The following EDEM3 variants were observed in gnomAD, a reference collection of about 807,000 sequenced individuals.
The protein encoded by EDEM3 is ER degradation-enhancing alpha-mannosidase-like protein 3.
In EDEM3, 60 loss-of-function variants were observed where a neutral mutation model predicts 110.2. The ratio of observed to expected loss-of-function variants is 0.54; its 90% CI spans 0.44 to 0.67. The LOEUF (loss-of-function observed/expected upper bound fraction) is 0.67, where lower values mean the gene tolerates loss of function less well. Among genes scored for constraint, EDEM3 ranks in the 30% least tolerant of loss-of-function variants. The probability of loss-of-function intolerance (pLI) is 0.00; values close to 1 mark genes in which losing one functional copy is unlikely to be tolerated. For synonymous variants in EDEM3, 352 were observed against 382.9 expected (o/e 0.92, Z 0.94); for missense variants, 996 against 1,121.0 (o/e 0.89, Z 1.59).
intron 19 of EDEM3, among the ~76,000 whole-genome samples, chr1:184,698,920 T>C (rs1649466898): frequency 1.3e-5 from 2 of 151,826 alleles, no homozygotes; most frequent in South Asian, 4.1e-4. Flanking sequence ...AAATGGCAGT[T>C]AGAGAACTAC....
At chr1:184,698,108 A>G (rs1313229975) in intron 19 of EDEM3, among the ~76,000 whole-genome samples, 1 of 151,808 alleles carries the variant, frequency 6.6e-6, no homozygotes, top group Admixed American at 6.6e-5. Context: ...AAAACAAAAA[A>G]TATACCTATA....
At chr1:184,703,589 A>C (rs930447719) in intron 18 of EDEM3, among the ~76,000 whole-genome samples, 7 of 152,230 alleles carry the variant, frequency 4.6e-5, no homozygotes, top group Admixed American at 1.3e-4. Flanking sequence ...AAATAATAGT[A>C]GTAGAACTAT....
chr1:184,716,461 A>G (rs1650551900), intron 13 of EDEM3, among the ~76,000 whole-genome samples: 1 of 152,176 alleles, frequency 6.6e-6, no homozygotes, highest in Non-Finnish European at 1.5e-5. Flanking sequence ...CCTGCAAGTC[A>G]GCAACGGTGT....
At chr1:184,710,019 C>A (rs1431883671) in intron 16 of EDEM3, among the ~76,000 whole-genome samples, 1 of 151,990 alleles carries the variant, frequency 6.6e-6, no homozygotes, top group Non-Finnish European at 1.5e-5. Flanking sequence ...TCTTTGGAGA[C>A]TAAAATGATG....
At chr1:184,754,282 C>T (rs1652960774) in intron 1 of EDEM3, among the ~76,000 whole-genome samples, 1 of 152,188 alleles carries the variant, frequency 6.6e-6, no homozygotes, top group African/African-American at 2.4e-5. Context: ...GCGGCCAGGG[C>T]GACACCCCGT....
rs767632319 is a variant in EDEM3 at position 184,734,557 on chromosome 1, G to A, written c.432C>T (p.Val144=). The A allele has an allele frequency of 6.6e-7, 1 of 1,518,870 alleles. No homozygotes were observed. Among genetic ancestry groups the A allele is most frequent in the South Asian group, 1.3e-5 (1 of 74,494 alleles). The allele number at this position is 1,518,870 out of a possible 1,614,324, so 94.1% of individuals were successfully genotyped here. Residue 144 remains valine, a synonymous_variant, in exon 5 of 20, where the codon GTC becomes GTT. Transcript: ENST00000318130. The stretch of plus-strand genomic sequence containing the variant: ...CAAGAACTCTGATGTTTGTTTCAAA[G>A]ACTGATACGACTACATCGTTATCTA... ...VNLDNDVVVS[V]FETNIRVLGG...
intron 8 of EDEM3, among the ~76,000 whole-genome samples, 195 bp downstream of exon 8, chr1:184,723,556 C>T (rs905525760): frequency 1.4e-4 from 22 of 151,898 alleles, no homozygotes; most frequent in African/African-American, 4.8e-4. Flanking sequence ...AAATAGAATA[C>T]TAAATCATGT....
At chr1:184,749,732 TAAACAG>T (rs1652647641) in intron 1 of EDEM3, 140 bp from the exon 2 acceptor site, 1 of 663,888 alleles carries the variant, frequency 1.5e-6, no homozygotes, top group South Asian at 2.4e-5. Flanking sequence ...GAAAGGGACA[TAAACAG>T]AATCAGAAAC....
At position 184,711,800 on chromosome 1, in the gene EDEM3, G is replaced by T; in HGVS notation, c.1614C>A (p.Asp538Glu). The stretch of plus-strand genomic sequence containing the variant: ...CACGAATACTTTGAGCATACAATGG[G>T]TCATTAGGAAAGAGGATCTGAGTAT... Reference protein sequence around the residue: ...CPNTQILFPNDPLYAQSIREP... With the variant: ...CPNTQILFPNEPLYAQSIREP... The change falls in exon 15 of 20, where the codon GAC becomes GAA. Residue 538 changes from aspartate (D) to glutamate (E), a missense_variant. By Grantham distance (45) the Asp-to-Glu change is conservative. Coordinates refer to ENST00000318130, the MANE Select transcript of EDEM3 (RefSeq NM_025191.4). 1.2e-6 allele frequency: 2 copies of T among 1,613,514 alleles called. No homozygotes were observed. Among genetic ancestry groups the T allele is most frequent in the Non-Finnish European group, 1.7e-6 (2 of 1,179,608 alleles).
Position 184,734,636 on chromosome 1 carries a change from T to C in EDEM3, c.353A>G (p.Asn118Ser). The C allele has an allele frequency of 7.2e-7, 1 of 1,391,036 alleles. No individual in the cohort carries two copies. Among genetic ancestry groups the C allele is most frequent in the Non-Finnish European group, 9.9e-7 (1 of 1,010,656 alleles). 86.2% of individuals were successfully genotyped at this position (1,391,036 alleles called of 1,614,324 possible). A position where few individuals can be genotyped will look rare whatever the true frequency, so the allele number is the denominator to read the frequency against. The change falls in exon 5 of 20, where the codon AAT (asparagine) becomes AGT (serine). Residue 118 changes from asparagine to serine, a missense_variant. Asn to Ser is a conservative substitution (Grantham distance 46). Coordinates refer to ENST00000318130, the MANE Select transcript of EDEM3 (RefSeq NM_025191.4). The part of the protein sequence containing the change: ...IDSLDTLVVL[N>S]KTKEFEDAVR... ...TGCATCTTCAAATTCTTTAGTTTTA[T>C]TTAAAACCTGGGAGAAGAAAATTAT...
At chr1:184,744,572 T>C (rs1652327198) in intron 2 of EDEM3, among the ~76,000 whole-genome samples, 2 of 151,826 alleles carry the variant, frequency 1.3e-5, no homozygotes, top group African/African-American at 4.8e-5. Context: ...GTGGGAAATA[T>C]ATGAAAATGT....
chr1:184,748,194 C>A lies in EDEM3; in HGVS notation c.204+1353G>T, dbSNP rs141971525. On this transcript the variant is annotated intron_variant, in intron 2 of 19. Transcript: ENST00000318130. ...GGGTGTAATGGCTCACACCTGTAAT[C>A]CCAACACTTTGGGAGGCAGAGGTGG... 6.7e-3 allele frequency among the ~76,000 whole-genome samples: 1,026 copies of A among 152,254 alleles called. 17 individuals are homozygous for A. The highest frequency in any genetic ancestry group is 0.024 in the African/African-American group (993 of 41,542).
At position 184,690,871 on chromosome 1, in the gene EDEM3, AC is replaced by A. The variant is rs1395577175; in HGVS notation, c.*3191del. 6.6e-6 allele frequency: 1 copy of A among 152,214 alleles called. No individual in the cohort carries two copies. The highest frequency in any genetic ancestry group is 6.6e-5 in the Admixed American group (1 of 15,250). The allele number at this position is 152,214 out of a possible 1,614,324, so 9.4% of individuals were successfully genotyped here. A position where few individuals can be genotyped will look rare whatever the true frequency, so the allele number is the denominator to read the frequency against. On this transcript the variant is annotated 3_prime_UTR_variant, in exon 20 of 20. Coordinates refer to ENST00000318130, the MANE Select transcript of EDEM3 (RefSeq NM_025191.4). ...CCGGCTGGAATATTTACTAAATTCT[AC>A]CCCCCTCTAAAATTATAAGCAGTAT...
rs753271802 is a variant in EDEM3, at chr1:184,754,679, C to G, written c.-33G>C. ...CGGTTCCGCGCACGCGCAGCTGCTA[C>G]GCCCGGCCGGTGAGACACATTGCTG... On this transcript the variant is annotated 5_prime_UTR_variant, in exon 1 of 20. Transcript: ENST00000318130. 6 of 1,507,680 alleles carry G rather than the reference C, an allele frequency of 4.0e-6. No homozygotes were observed. The highest frequency in any genetic ancestry group is 5.3e-6 in the Non-Finnish European group (6 of 1,130,212). The allele number at this position is 1,507,680 out of a possible 1,614,324, so 93.4% of individuals were successfully genotyped here. A position where few individuals can be genotyped will look rare whatever the true frequency, so the allele number is the denominator to read the frequency against.
chr1:184,708,394 C>A, intron 16 of EDEM3, 50 bp from the exon 17 acceptor site: 1 of 1,594,038 alleles, frequency 6.3e-7, no homozygotes, highest in East Asian at 2.2e-5. Flanking sequence ...AAACTTCCAC[C>A]AATTTTTTGA....
Position 184,730,603 on chromosome 1 carries a change from AAAAG to A in EDEM3, c.612+2230_612+2233del, listed in dbSNP as rs200206608. 2.2e-3 allele frequency among the ~76,000 whole-genome samples: 332 copies of A among 152,166 alleles called. 5 individuals are homozygous for A. Among genetic ancestry groups the A allele is most frequent in the Admixed American group, 0.014 (216 of 15,290 alleles). ...CTATCTCAAAACAAACAAACAAACA[AAAAG>A]AATGTTTACCAGAGAGCTATTTAAA... On this transcript the variant is annotated intron_variant, in intron 6 of 19. Coordinates refer to ENST00000318130, the MANE Select transcript of EDEM3 (RefSeq NM_025191.4).
Position 184,692,916 on chromosome 1 carries a change from T to A in EDEM3, c.*1147A>T, listed in dbSNP as rs966465648. 1.3e-5 allele frequency: 2 copies of A among 152,890 alleles called. No individual in the cohort carries two copies. The highest frequency in any genetic ancestry group is 3.9e-4 in the East Asian group (2 of 5,160). 9.5% of individuals were successfully genotyped at this position (152,890 alleles called of 1,614,324 possible). On this transcript the variant is annotated 3_prime_UTR_variant, in exon 20 of 20. Transcript: ENST00000318130. ...AAGTCCGTATCAGAAGGAATATCTG[T>A]TAAAAACAAAAACAAAAACCATGAT...
rs751486365 is a variant in EDEM3 at position 184,713,406 on chromosome 1, C to A, written c.1371-808G>T. On this transcript the variant is annotated intron_variant, in intron 13 of 19. Transcript: ENST00000318130. The stretch of plus-strand genomic sequence containing the variant: ...GACAGTAAAACTATATGTGTTTTTA[C>A]AAATGATTTAATGTTATAATGTTTT... Among the ~76,000 whole-genome samples the A allele has an allele frequency of 1.3e-4, 20 of 152,230 alleles. No homozygotes were observed. In the South Asian group the frequency reaches 2.1e-3, roughly 16 times the overall value.
chr1:184,730,303 C>G (rs895837323), intron 6 of EDEM3, among the ~76,000 whole-genome samples: 1 of 152,140 alleles, frequency 6.6e-6, no homozygotes, highest in Admixed American at 6.6e-5. Flanking sequence ...CCACAGAGGC[C>G]GGGCATGATG....
Sources: gnomAD v4.1 joint callset for allele counts (sites outside exome capture counted in the v4.1 genomes callset) on GRCh38, gnomAD v4.1.1 for gene constraint, MANE v1.5 for transcripts, NCBI Gene and HGNC (gene_info 2026-07-23, HGNC 2026-07-21) for gene names.